Variants in RBM23 observed in about 807,000 individuals in gnomAD.
RBM23 encodes the protein RNA binding motif protein 23.
A neutral mutation model predicts 56.2 loss-of-function variants in RBM23; 53 were observed. That is an observed-to-expected ratio of 0.94 (90% CI 0.76 to 1.19). RBM23 has a LOEUF of 1.19. Ranked by LOEUF, RBM23 falls within the 50% of genes most tolerant of loss-of-function variation. RBM23 has a pLI of 0.00. For missense variants in RBM23, 642 were observed against 590.3 expected (o/e 1.09, Z -0.91); for synonymous variants, 197 against 198.5 (o/e 0.99, Z 0.06).
At chr14:22,908,451 G>GA in intron 3 of RBM23, 71 bp from the exon 4 acceptor site, 1 of 1,508,876 alleles carries the variant, frequency 6.6e-7, no homozygotes, top group Non-Finnish European at 8.9e-7. Flanking sequence ...GTCGTGCAGT[G>GA]GTGCAATCTT....
intron 1 of RBM23, among the ~76,000 whole-genome samples, chr14:22,912,115 C>A (rs1278152294): frequency 6.6e-6 from 1 of 152,184 alleles, no homozygotes; most frequent in East Asian, 1.9e-4. Flanking sequence ...TGAATAAATA[C>A]CTGGTTTAAA....
At chr14:22,913,562 C>A (rs1396346546) in intron 1 of RBM23, among the ~76,000 whole-genome samples, 1 of 151,806 alleles carries the variant, frequency 6.6e-6, no homozygotes, top group East Asian at 1.9e-4. Flanking sequence ...AGGAGTTTGA[C>A]ACCAACCTGA....
Position 22,900,616 on chromosome 14 carries a change from T to C in RBM23, c.*1114A>G, listed in dbSNP as rs2040368329. 1 of 152,108 alleles carries C rather than the reference T, an allele frequency of 6.6e-6. No individual in the cohort carries two copies. Among genetic ancestry groups the C allele is most frequent in the Admixed American group, 6.5e-5 (1 of 15,268 alleles). The allele number at this position is 152,108 out of a possible 1,614,324, so 9.4% of individuals were successfully genotyped here. On this transcript the variant is annotated 3_prime_UTR_variant, in exon 14 of 14. Coordinates refer to ENST00000359890, the MANE Select transcript of RBM23 (RefSeq NM_001077351.2). ...CCAGGTGTGAGTTTTCATTTTTCTTTCTAAAGGTGGTTAAATAAATAAACA... is the reference window on the plus strand; with the variant it reads ...CCAGGTGTGAGTTTTCATTTTTCTTCCTAAAGGTGGTTAAATAAATAAACA...
At position 22,905,387 on chromosome 14, in the gene RBM23, A is replaced by G; in HGVS notation, c.522T>C (p.Ala174=). The G allele has an allele frequency of 1.2e-6, 2 of 1,614,202 alleles. No individual in the cohort carries two copies. The highest frequency in any genetic ancestry group is 1.7e-6 in the Non-Finnish European group (2 of 1,180,048). The change falls in exon 7 of 14, where the codon GCT becomes GCC. Residue 174 remains alanine (A), a synonymous_variant. Transcript: ENST00000359890. The part of the protein sequence containing the change: ...DARTVFCMQL[A]ARIRPRDLED... ...CCAGATCTCGAGGCCGAATTCGGGC[A>G]GCTAACTGCATACAGAAAACTGTGC... is the stretch of plus-strand genomic sequence containing the variant.
intron 10 of RBM23, chr14:22,903,533 G>T: frequency 1.0e-6 from 1 of 986,770 alleles, no homozygotes; most frequent in South Asian, 4.7e-5. Flanking sequence ...TACATGGCTT[G>T]CCTTTACTGG....
intron 10 of RBM23, chr14:22,903,230 C>G: frequency 4.1e-6 from 4 of 985,480 alleles, no homozygotes; most frequent in Non-Finnish European, 4.8e-6. Flanking sequence ...AAGGCCTTTA[C>G]TCTCTAGTCC....
At position 22,896,097 on chromosome 14, in the gene RBM23, T is replaced by G. The variant is rs577242624; in HGVS notation, c.*5633A>C. The G allele has an allele frequency of 6.6e-6, 1 of 152,296 alleles. No homozygotes were observed. Among genetic ancestry groups the G allele is most frequent in the South Asian group, 2.1e-4 (1 of 4,824 alleles). The allele number at this position is 152,296 out of a possible 1,614,324, so 9.4% of individuals were successfully genotyped here. On this transcript the variant is annotated 3_prime_UTR_variant, in exon 14 of 14. Transcript: ENST00000359890. The stretch of plus-strand genomic sequence containing the variant: ...GCTTTTCCCCATAAACCTTGAGCTC[T>G]AAAGTTGGGGAGAATGAAGTCAGCT...
Position 22,896,705 on chromosome 14 carries a change from T to G in RBM23, c.*5025A>C, listed in dbSNP as rs989076655. On this transcript the variant is annotated 3_prime_UTR_variant, in exon 14 of 14. Coordinates refer to ENST00000359890, the MANE Select transcript of RBM23 (RefSeq NM_001077351.2). ...CAACTAATAGACTTCATCCAACTTTTTGAAGTGATCTTTGCTCAGCTCTTT... is the reference window on the plus strand; with the variant it reads ...CAACTAATAGACTTCATCCAACTTTGTGAAGTGATCTTTGCTCAGCTCTTT... 1 of 152,190 alleles carries G rather than the reference T, an allele frequency of 6.6e-6. No homozygotes were observed. Among genetic ancestry groups the G allele is most frequent in the Non-Finnish European group, 1.5e-5 (1 of 68,040 alleles). 9.4% of individuals were successfully genotyped at this position (152,190 alleles called of 1,614,324 possible).
In RBM23 at chr14:22,909,700, GATT is replaced by G. The variant is rs1360858195; in HGVS notation, c.67-108_67-106del. On this transcript the variant is annotated intron_variant, in intron 2 of 13. Transcript: ENST00000359890. ...GGACAAGGAATAAATCAAACCACTTGATTATCTAGCCAGATTTTCAGCACCCTT... is the reference window on the plus strand; with the variant it reads ...GGACAAGGAATAAATCAAACCACTTGATCTAGCCAGATTTTCAGCACCCTT... 3 of 806,492 alleles carry G rather than the reference GATT, an allele frequency of 3.7e-6. No individual in the cohort carries two copies. In the Admixed American group the frequency reaches 6.0e-5, roughly 16 times the overall value. 50.0% of individuals were successfully genotyped at this position (806,492 alleles called of 1,614,324 possible). A position where few individuals can be genotyped will look rare whatever the true frequency, so the allele number is the denominator to read the frequency against.
In RBM23 at chr14:22,897,643, T is replaced by C. The variant is rs1205498069; in HGVS notation, c.*4087A>G. ...CTGTCACTCAAGATAAGCAAAGACA[T>C]GGCAGTGGAAAAATTCTGAGTCTAC... On this transcript the variant is annotated 3_prime_UTR_variant, in exon 14 of 14. Transcript: ENST00000359890. The C allele has an allele frequency of 6.6e-6, 1 of 152,188 alleles. No homozygotes were observed. Among genetic ancestry groups the C allele is most frequent in the Non-Finnish European group, 1.5e-5 (1 of 68,064 alleles). The allele number at this position is 152,188 out of a possible 1,614,324, so 9.4% of individuals were successfully genotyped here. A position where few individuals can be genotyped will look rare whatever the true frequency, so the allele number is the denominator to read the frequency against.
At chr14:22,912,998 CAAAAAAAAAAAA>C (rs58361546) in intron 1 of RBM23, among the ~76,000 whole-genome samples, 15 of 35,418 alleles carry the variant, frequency 4.2e-4, no homozygotes, top group African/African-American at 1.8e-3. Flanking sequence ...GATTCAGTCT[CAAAAAAAAAAAA>C]AAAAAAAAAA....
intron 2 of RBM23, among the ~76,000 whole-genome samples, chr14:22,910,968 G>T (rs1283374404): frequency 2.0e-5 from 3 of 152,070 alleles, no homozygotes; most frequent in Non-Finnish European, 4.4e-5. Context: ...CCAAGATTGT[G>T]CCACTGCACT....
In RBM23 at chr14:22,902,014, A is replaced by G. The variant is rs773768537; in HGVS notation, c.1212T>C (p.Val404=). 1.2e-6 allele frequency: 2 copies of G among 1,612,708 alleles called. No homozygotes were observed. Among genetic ancestry groups the G allele is most frequent in the South Asian group, 2.2e-5 (2 of 90,996 alleles). Residue 404 remains valine, a synonymous_variant, in exon 12 of 14, where the codon GTT becomes GTC. Coordinates refer to ENST00000359890, the MANE Select transcript of RBM23 (RefSeq NM_001077351.2). ...QAAALQLNGA[V]PLGALNPAAL... ...CTGCTGGATTCAGGGCCCCCAAGGG[A>G]ACTGCTCCATTCAGTTGCAAGGCAG...
chr14:22,897,757 A>T lies in RBM23; in HGVS notation c.*3973T>A, dbSNP rs2040271469. On this transcript the variant is annotated 3_prime_UTR_variant, in exon 14 of 14. Coordinates refer to ENST00000359890, the MANE Select transcript of RBM23 (RefSeq NM_001077351.2). ...TCCATGGTGGTGCTGAGAGGCAGGTAAGGTTAAGATCAAGGGATCTGAAGC... is the reference window on the plus strand; with the variant it reads ...TCCATGGTGGTGCTGAGAGGCAGGTTAGGTTAAGATCAAGGGATCTGAAGC... 1 of 152,216 alleles carries T rather than the reference A, an allele frequency of 6.6e-6. No homozygotes were observed. Among genetic ancestry groups the T allele is most frequent in the Non-Finnish European group, 1.5e-5 (1 of 68,042 alleles). 9.4% of individuals were successfully genotyped at this position (152,216 alleles called of 1,614,324 possible).
chr14:22,903,167 C>A, intron 10 of RBM23: 2 of 985,500 alleles, frequency 2.0e-6, no homozygotes, highest in Non-Finnish European at 2.4e-6. Context: ...CAAGGCAGAA[C>A]CCACACCCCC....
At chr14:22,910,788 G>A (rs935800910) in intron 2 of RBM23, among the ~76,000 whole-genome samples, 1 of 152,206 alleles carries the variant, frequency 6.6e-6, no homozygotes, top group Non-Finnish European at 1.5e-5. Flanking sequence ...CAAGGTGGGT[G>A]GATCATAAGG....
chr14:22,903,392 C>T (rs547243125), intron 10 of RBM23: 17 of 985,452 alleles, frequency 1.7e-5, no homozygotes, highest in African/African-American at 1.0e-4. Context: ...ACACAGAGAG[C>T]GAGAAAAGGT....
In RBM23 at chr14:22,900,365, A is replaced by C. The variant is rs2040348517; in HGVS notation, c.*1365T>G. On this transcript the variant is annotated 3_prime_UTR_variant, in exon 14 of 14. Coordinates refer to ENST00000359890, the MANE Select transcript of RBM23 (RefSeq NM_001077351.2). ...TCCCCGCCCCGCCCCACTAGAAAAA[A>C]ACAAGTGTAGAATGCAGTACTGTCA... is the stretch of plus-strand genomic sequence containing the variant. The C allele has an allele frequency of 6.7e-6, 1 of 150,298 alleles. No homozygotes were observed. Among genetic ancestry groups the C allele is most frequent in the Non-Finnish European group, 1.5e-5 (1 of 67,760 alleles). 9.3% of individuals were successfully genotyped at this position (150,298 alleles called of 1,614,324 possible).
intron 6 of RBM23, 27 bp from the exon 7 acceptor site, chr14:22,905,480 G>A: frequency 6.2e-7 from 1 of 1,609,712 alleles, no homozygotes; most frequent in Non-Finnish European, 8.5e-7. Flanking sequence ...GTTGAGACCA[G>A]CCCTCCCAAT....
Sources: gnomAD v4.1 joint callset for allele counts (sites outside exome capture counted in the v4.1 genomes callset) on GRCh38, gnomAD v4.1.1 for gene constraint, MANE v1.5 for transcripts, NCBI Gene and HGNC (gene_info 2026-07-23, HGNC 2026-07-21) for gene names.